Variants in ROBO2 observed in about 807,000 individuals in gnomAD.
The protein encoded by ROBO2 is roundabout homolog 2.
In ROBO2, 53 loss-of-function variants were observed where a neutral mutation model predicts 160.8. That is an observed-to-expected ratio of 0.33 (90% CI 0.26 to 0.41). ROBO2 has a LOEUF of 0.41. Among genes scored for constraint, ROBO2 ranks in the 10% least tolerant of loss-of-function variants. The pLI is 1.00. For synonymous variants in ROBO2, 664 were observed against 611.7 expected (o/e 1.09, Z -1.26); for missense variants, 1,577 against 1,722.4 (o/e 0.92, Z 1.49).
In ROBO2 at chr3:77,339,990, A is replaced by T. The variant is rs558658985; in HGVS notation, c.389-137424A>T. 4.6e-5 allele frequency among the ~76,000 whole-genome samples: 7 copies of T among 152,202 alleles called. No individual in the cohort carries two copies. In the East Asian group the frequency reaches 1.4e-3, roughly 29 times the overall value. ...GCCCCAAGTTGCAAGCTTTCCATAAACATATCTGAATTGTTCAATTTCCTT... is the reference window on the plus strand; with the variant it reads ...GCCCCAAGTTGCAAGCTTTCCATAATCATATCTGAATTGTTCAATTTCCTT... On this transcript the variant is annotated intron_variant, in intron 2 of 25. Coordinates refer to ENST00000461745, the Ensembl canonical transcript of ROBO2.
In ROBO2 at chr3:76,981,772, A is replaced by G. The variant is rs556267316; in HGVS notation, c.110-116242A>G. Among the ~76,000 whole-genome samples, 20 of 152,264 alleles carry G rather than the reference A, an allele frequency of 1.3e-4. No individual in the cohort carries two copies. In the South Asian group the frequency reaches 3.5e-3, roughly 27 times the overall value. On this transcript the variant is annotated intron_variant, in intron 2 of 26. Transcript: ENST00000487694. ...CAGCTTGGCTTCTGGTGAAACCTCTATGAGCTTAGAATCATGCTGACAGGT... is the reference window on the plus strand; with the variant it reads ...CAGCTTGGCTTCTGGTGAAACCTCTGTGAGCTTAGAATCATGCTGACAGGT...
At chr3:76,981,324 A>G (rs1416252590) in intron 2 of ROBO2, among the ~76,000 whole-genome samples, 1 of 152,206 alleles carries the variant, frequency 6.6e-6, no homozygotes, top group Admixed American at 6.5e-5. Flanking sequence ...ATTGTATGGA[A>G]GATTCCAATT....
intron 2 of ROBO2, among the ~76,000 whole-genome samples, chr3:77,282,101 T>A (rs949204210): frequency 6.6e-6 from 1 of 152,140 alleles, no homozygotes; most frequent in Non-Finnish European, 1.5e-5. Context: ...TAGGGAATCA[T>A]GACAAGGAAA....
chr3:77,327,839 C>G (rs774113327), intron 2 of ROBO2, among the ~76,000 whole-genome samples: 2 of 151,948 alleles, frequency 1.3e-5, no homozygotes, highest in African/African-American at 2.4e-5. Context: ...CACCTGAGGT[C>G]AGGAGTTTGA....
At chr3:76,491,244 C>T (rs1001243530) in intron 2 of ROBO2, among the ~76,000 whole-genome samples, 14 of 151,948 alleles carry the variant, frequency 9.2e-5, no homozygotes, top group Non-Finnish European at 2.1e-4. Flanking sequence ...CCAGGGCGCC[C>T]GACCTAAGAT....
At chr3:76,845,735 C>T (rs918054370) in intron 2 of ROBO2, among the ~76,000 whole-genome samples, 4 of 152,018 alleles carry the variant, frequency 2.6e-5, no homozygotes, top group Non-Finnish European at 5.9e-5. Context: ...TACTTTCATA[C>T]TTTCTTTTTT....
intron 2 of ROBO2, among the ~76,000 whole-genome samples, chr3:77,412,942 C>T (rs948331729): frequency 6.6e-6 from 1 of 152,162 alleles, no homozygotes; most frequent in African/African-American, 2.4e-5. Flanking sequence ...AAGGGCTGGG[C>T]ACAGTGGCTC....
intron 2 of ROBO2, among the ~76,000 whole-genome samples, chr3:76,978,316 C>G (rs1362104153): frequency 1.3e-5 from 2 of 152,080 alleles, no homozygotes; most frequent in African/African-American, 4.8e-5. Context: ...GATCTTATAG[C>G]CTCACAATGC....
chr3:77,426,261 A>G (rs1226001921), intron 2 of ROBO2, among the ~76,000 whole-genome samples: 1 of 152,150 alleles, frequency 6.6e-6, no homozygotes, highest in Non-Finnish European at 1.5e-5. Flanking sequence ...TGTGTGGGAA[A>G]GACTGATCAA....
chr3:76,711,022 G>T (rs2093282091), intron 2 of ROBO2, among the ~76,000 whole-genome samples: 1 of 152,074 alleles, frequency 6.6e-6, no homozygotes, highest in Non-Finnish European at 1.5e-5. Flanking sequence ...TTTTAAAATG[G>T]TTGACTGGTC....
chr3:76,992,362 TA>T (rs1559812241), intron 2 of ROBO2, among the ~76,000 whole-genome samples: 6,937 of 68,386 alleles, frequency 0.1, 327 homozygotes, highest in East Asian at 0.26. Context: ...TATATATATA[TA>T]TATATAAATT....
intron 2 of ROBO2, among the ~76,000 whole-genome samples, chr3:77,283,623 C>A (rs1054697118): frequency 6.6e-6 from 1 of 151,912 alleles, no homozygotes; most frequent in Non-Finnish European, 1.5e-5. Context: ...TTTGAACATA[C>A]CTAACTGGTT....
chr3:76,004,724 G>A (rs1195382785), intron 2 of ROBO2, among the ~76,000 whole-genome samples: 2 of 152,116 alleles, frequency 1.3e-5, no homozygotes, highest in African/African-American at 4.8e-5. Flanking sequence ...TTGGGTATTA[G>A]ATTTCAACAT....
chr3:76,403,968 A>G (rs1477709509), intron 2 of ROBO2, among the ~76,000 whole-genome samples: 1 of 151,654 alleles, frequency 6.6e-6, no homozygotes, highest in Non-Finnish European at 1.5e-5. Context: ...GAGTTAAGAA[A>G]TCTGAGTTTC....
At chr3:76,694,355 A>T (rs1245341877) in intron 2 of ROBO2, among the ~76,000 whole-genome samples, 1 of 152,176 alleles carries the variant, frequency 6.6e-6, no homozygotes, top group Non-Finnish European at 1.5e-5. Flanking sequence ...GTACTCTATC[A>T]CTTCCTACGA....
rs376301415 is a variant in ROBO2, at chr3:77,237,362, G to GCTTTT, written c.388+139033_388+139037dup. Among the ~76,000 whole-genome samples the GCTTTT allele has an allele frequency of 1.2e-4, 17 of 147,042 alleles. 1 individual carries two copies. The East Asian group carries it at 3.4e-3, about 29-fold the overall frequency. On this transcript the variant is annotated intron_variant, in intron 2 of 25. Transcript: ENST00000461745. Reference sequence around the variant, plus strand: ...ACCATACTGTACGCCACCATACCTAGCTTTTCTTTTCTTTTTTTTTCTTTT... The same window carrying GCTTTT: ...ACCATACTGTACGCCACCATACCTAGCTTTTCTTTTCTTTTCTTTTTTTTTCTTTT...
At chr3:77,461,272 A>G (rs2082215610) in intron 2 of ROBO2, among the ~76,000 whole-genome samples, 1 of 152,042 alleles carries the variant, frequency 6.6e-6, no homozygotes, top group Admixed American at 6.6e-5. Context: ...TCTTTACATC[A>G]TATTACAGTA....
intron 2 of ROBO2, among the ~76,000 whole-genome samples, chr3:76,002,824 A>C (rs1472302180): frequency 6.6e-6 from 1 of 152,108 alleles, no homozygotes; most frequent in Non-Finnish European, 1.5e-5. Flanking sequence ...TGGCTCTCAG[A>C]AGGAGCCACC....
chr3:77,272,551 G>A (rs966951966), intron 2 of ROBO2, among the ~76,000 whole-genome samples: 1 of 152,142 alleles, frequency 6.6e-6, no homozygotes, highest in Non-Finnish European at 1.5e-5. Context: ...AAACACTGGG[G>A]ATTACAATTT....
Sources: gnomAD v4.1 joint callset for allele counts (sites outside exome capture counted in the v4.1 genomes callset) on GRCh38, gnomAD v4.1.1 for gene constraint, MANE v1.5 for transcripts, NCBI Gene and HGNC (gene_info 2026-07-23, HGNC 2026-07-21) for gene names.